POU2F1: variants seen among roughly 807,000 people sequenced by gnomAD.
POU2F1 encodes the protein POU class 2 homeobox 1.
Under a neutral mutation model 84.9 loss-of-function variants are expected in POU2F1, and 16 were observed. The ratio of observed to expected loss-of-function variants is 0.19; its 90% CI spans 0.13 to 0.29. The LOEUF (loss-of-function observed/expected upper bound fraction) is 0.29, where lower values mean the gene tolerates loss of function less well. Ranked by LOEUF, POU2F1 falls within the 10% of genes least tolerant of loss-of-function variation. The pLI is 1.00. For missense variants in POU2F1, 738 were observed against 942.6 expected, an observed-to-expected ratio of 0.78 and a Z score of 2.84; for synonymous variants, 368 against 368.3, an observed-to-expected ratio of 1.00 and a Z score of 0.01.
intron 1 of POU2F1, among the ~76,000 whole-genome samples, chr1:167,238,395 C>G (rs903180266): frequency 1.3e-5 from 2 of 152,022 alleles, no homozygotes; most frequent in Non-Finnish European, 2.9e-5. Flanking sequence ...AATTTGAAAA[C>G]AAACAAACTT....
chr1:167,341,615 T>C (rs903756361), intron 2 of POU2F1, among the ~76,000 whole-genome samples: 8 of 152,114 alleles, frequency 5.3e-5, no homozygotes, highest in African/African-American at 1.4e-4. Context: ...GCAGGAGTTA[T>C]GGTAAGCACT....
chr1:167,241,899 T>C (rs956623187), intron 1 of POU2F1, among the ~76,000 whole-genome samples: 2 of 152,230 alleles, frequency 1.3e-5, no homozygotes, highest in Non-Finnish European at 2.9e-5. Context: ...ATGCTAACTT[T>C]AGTTGACTAA....
intron 5 of POU2F1, 115 bp downstream of exon 5, chr1:167,372,151 C>T: frequency 7.4e-7 from 1 of 1,344,862 alleles, no homozygotes; most frequent in Non-Finnish European, 1.0e-6. Flanking sequence ...ATGCCTGGCA[C>T]TATTGTGTCT....
chr1:167,316,730 A>G (rs1655929455), intron 1 of POU2F1, among the ~76,000 whole-genome samples: 1 of 152,220 alleles, frequency 6.6e-6, no homozygotes, highest in East Asian at 1.9e-4. Context: ...GAGAAAACAT[A>G]AATTACCAGT....
In POU2F1 at chr1:167,423,999, C is replaced by T. The variant is rs1650801375; in HGVS notation, c.*8189C>T. On this transcript the variant is annotated 3_prime_UTR_variant, in exon 16 of 16. Transcript: ENST00000367866. Reference sequence around the variant, plus strand: ...AAAAGACTTTGTGCTCCCACCCAGCCTTAATGAGTCTCATGGTCTAAAAGT... The same window carrying T: ...AAAAGACTTTGTGCTCCCACCCAGCTTTAATGAGTCTCATGGTCTAAAAGT... 6.6e-6 allele frequency: 1 copy of T among 152,208 alleles called. No individual in the cohort carries two copies. The highest frequency in any genetic ancestry group is 2.1e-4 in the South Asian group (1 of 4,830). The allele number at this position is 152,208 out of a possible 1,614,324, so 9.4% of individuals were successfully genotyped here.
chr1:167,392,646 G>T (rs1276809859), intron 9 of POU2F1, among the ~76,000 whole-genome samples: 1 of 152,158 alleles, frequency 6.6e-6, no homozygotes, highest in Non-Finnish European at 1.5e-5. Context: ...CATCTCTCCA[G>T]GTAAAGGAGC....
At chr1:167,267,294 A>AG (rs1652035553) in intron 1 of POU2F1, among the ~76,000 whole-genome samples, 1 of 152,096 alleles carries the variant, frequency 6.6e-6, no homozygotes, top group Non-Finnish European at 1.5e-5. Context: ...AGACATGCAT[A>AG]GAAGAGAGAC....
chr1:167,254,626 C>G (rs1650996664), intron 1 of POU2F1, among the ~76,000 whole-genome samples: 1 of 152,152 alleles, frequency 6.6e-6, no homozygotes, highest in Non-Finnish European at 1.5e-5. Flanking sequence ...CATAGAGTAT[C>G]TTGATGCTAT....
intron 2 of POU2F1, among the ~76,000 whole-genome samples, chr1:167,335,911 A>G (rs994125344): frequency 1.3e-5 from 2 of 152,226 alleles, no homozygotes; most frequent in African/African-American, 4.8e-5. Context: ...TTTGAGCTGC[A>G]TGGCTCCACT....
chr1:167,230,371 T>C, intron 1 of POU2F1, among the ~76,000 whole-genome samples: 1 of 148,254 alleles, frequency 6.7e-6, no homozygotes, highest in East Asian at 1.9e-4. Flanking sequence ...TCACCATGGA[T>C]TTTTTTTTTA....
chr1:167,315,806 TAAA>T (rs537847447), intron 1 of POU2F1, among the ~76,000 whole-genome samples: 1 of 136,584 alleles, frequency 7.3e-6, no homozygotes, highest in Non-Finnish European at 1.6e-5. Context: ...CCCATCTCTT[TAAA>T]AAAAAAAAAA....
intron 13 of POU2F1, among the ~76,000 whole-genome samples, chr1:167,404,717 A>G (rs2101926135): frequency 6.6e-6 from 1 of 152,308 alleles, no homozygotes; most frequent in South Asian, 2.1e-4. Flanking sequence ...TCTGACAAAT[A>G]ACTCTGAGCT....
intron 4 of POU2F1, among the ~76,000 whole-genome samples, chr1:167,371,029 A>G (rs1028165060): frequency 1.1e-4 from 16 of 152,198 alleles, no homozygotes; most frequent in Non-Finnish European, 4.4e-5. Context: ...ATGACTAAAG[A>G]CCTTGGGTTG....
intron 1 of POU2F1, among the ~76,000 whole-genome samples, chr1:167,240,073 G>A (rs142149758): frequency 2.6e-5 from 4 of 151,974 alleles, no homozygotes; most frequent in East Asian, 1.9e-4. Flanking sequence ...TTATGGTTCT[G>A]CCTTCTGAAA....
chr1:167,238,247 A>T (rs1649649724), intron 1 of POU2F1, among the ~76,000 whole-genome samples: 1 of 152,150 alleles, frequency 6.6e-6, no homozygotes, highest in African/African-American at 2.4e-5. Flanking sequence ...TATCAACTGT[A>T]TGGCAAGAAA....
At chr1:167,324,923 G>GACT (rs1161162124) in intron 1 of POU2F1, among the ~76,000 whole-genome samples, 2 of 152,174 alleles carry the variant, frequency 1.3e-5, no homozygotes, top group Non-Finnish European at 2.9e-5. Context: ...TGCAACCTTA[G>GACT]AGGGTATCAT....
chr1:167,372,382 G>A (rs1190419555), intron 5 of POU2F1, among the ~76,000 whole-genome samples: 1 of 152,202 alleles, frequency 6.6e-6, no homozygotes, highest in Non-Finnish European at 1.5e-5. Flanking sequence ...TTGGCATTAA[G>A]ACATCACTGC....
At position 167,270,488 on chromosome 1, in the gene POU2F1, T is replaced by G. The variant is rs150425703; in HGVS notation, c.61+49530T>G. Reference sequence around the variant, plus strand: ...TTATGTAGGAAATTACCATTCCTGTTGTCTGTGTAGGATGTTCTAAAGATG... The same window carrying G: ...TTATGTAGGAAATTACCATTCCTGTGGTCTGTGTAGGATGTTCTAAAGATG... On this transcript the variant is annotated intron_variant, in intron 1 of 15. Coordinates refer to ENST00000367866, the MANE Select transcript of POU2F1 (RefSeq NM_002697.4). Among the ~76,000 whole-genome samples the G allele has an allele frequency of 8.3e-3, 1,262 of 152,286 alleles. 15 individuals carry two copies. Among genetic ancestry groups the G allele is most frequent in the African/African-American group, 0.029 (1,187 of 41,546 alleles).
intron 1 of POU2F1, among the ~76,000 whole-genome samples, chr1:167,273,967 C>T (rs1030441679): frequency 6.6e-6 from 1 of 152,172 alleles, no homozygotes; most frequent in African/African-American, 2.4e-5. Context: ...GCATACTGTT[C>T]ATGTTTAATC....
Sources: allele counts gnomAD v4.1 joint callset (sites outside exome capture counted in the v4.1 genomes callset), GRCh38; gene constraint gnomAD v4.1.1; transcripts MANE v1.5; gene names NCBI Gene and HGNC (gene_info 2026-07-23, HGNC 2026-07-21).